Variants in IGF2BP2 observed in about 807,000 individuals in gnomAD.
IGF2BP2 encodes insulin-like growth factor 2 mRNA-binding protein 2.
In IGF2BP2, 17 loss-of-function variants were observed where a neutral mutation model predicts 75.8. That is an observed-to-expected ratio of 0.22 (90% CI 0.15 to 0.34). The LOEUF (loss-of-function observed/expected upper bound fraction) is 0.34. IGF2BP2 is among the 10% of genes least tolerant of loss of function. IGF2BP2 has a pLI of 1.00. For missense variants in IGF2BP2, 516 were observed against 772.4 expected (o/e 0.67, Z 3.93); for synonymous variants, 288 against 295.6 (o/e 0.97, Z 0.26).
intron 10 of IGF2BP2, among the ~76,000 whole-genome samples, chr3:185,671,564 G>GA (rs1718518972): frequency 1.3e-5 from 2 of 150,366 alleles, no homozygotes; most frequent in African/African-American, 4.9e-5. Context: ...AAAAGAAAAA[G>GA]AAAAGATTCA....
At chr3:185,671,388 T>C (rs919687451) in intron 10 of IGF2BP2, among the ~76,000 whole-genome samples, 1 of 151,778 alleles carries the variant, frequency 6.6e-6, no homozygotes, top group African/African-American at 2.4e-5. Flanking sequence ...TCTACTAAAA[T>C]TAGCTGGGTG....
At chr3:185,769,021 C>T (rs1392748396) in intron 2 of IGF2BP2, among the ~76,000 whole-genome samples, 2 of 150,150 alleles carry the variant, frequency 1.3e-5, no homozygotes, top group East Asian at 2.0e-4. Flanking sequence ...AGTGAGACTC[C>T]GTCTCAAAAC....
chr3:185,784,087 T>C (rs530140369), intron 2 of IGF2BP2, among the ~76,000 whole-genome samples: 133 of 152,134 alleles, frequency 8.7e-4, no homozygotes, highest in African/African-American at 3.1e-3. Flanking sequence ...TACAAAAAAT[T>C]AGCCAGGTGT....
intron 2 of IGF2BP2, among the ~76,000 whole-genome samples, chr3:185,762,065 G>A (rs1282748239): frequency 6.6e-6 from 1 of 152,058 alleles, no homozygotes; most frequent in African/African-American, 2.4e-5. Flanking sequence ...AGTGTTGGGT[G>A]GTGTGGGTGT....
At chr3:185,735,147 CTTTT>C (rs11314977) in intron 2 of IGF2BP2, among the ~76,000 whole-genome samples, 2 of 136,934 alleles carry the variant, frequency 1.5e-5, no homozygotes, top group Admixed American at 7.4e-5. Context: ...CATTTAAATC[CTTTT>C]TTTTTTTTTT....
At chr3:185,773,114 T>C (rs73175574) in intron 2 of IGF2BP2, among the ~76,000 whole-genome samples, 2 of 152,306 alleles carry the variant, frequency 1.3e-5, no homozygotes, top group Non-Finnish European at 1.5e-5. Context: ...GGAGGCTAAA[T>C]AGCACAATAC....
At chr3:185,796,450 C>T (rs1737394909) in intron 2 of IGF2BP2, among the ~76,000 whole-genome samples, 1 of 151,444 alleles carries the variant, frequency 6.6e-6, no homozygotes. Flanking sequence ...GTAATCCCAG[C>T]TACTCAGGGG....
intron 2 of IGF2BP2, among the ~76,000 whole-genome samples, chr3:185,701,898 C>A (rs1447842848): frequency 2.0e-5 from 3 of 152,152 alleles, no homozygotes; most frequent in Non-Finnish European, 2.9e-5. Flanking sequence ...CTGAGATCTG[C>A]TGACTCCTGT....
intron 4 of IGF2BP2, among the ~76,000 whole-genome samples, chr3:185,694,642 A>T (rs950201347): frequency 6.6e-6 from 1 of 152,230 alleles, no homozygotes; most frequent in African/African-American, 2.4e-5. Flanking sequence ...TCCAGCACAC[A>T]GCTGCCCTAG....
chr3:185,747,576 G>A (rs564729177), intron 2 of IGF2BP2, among the ~76,000 whole-genome samples: 39 of 152,164 alleles, frequency 2.6e-4, no homozygotes, highest in Middle Eastern at 6.8e-3. Context: ...CTACTTGAGA[G>A]GCCGAGGCAC....
At chr3:185,664,297 C>A (rs968263617) in intron 10 of IGF2BP2, among the ~76,000 whole-genome samples, 1 of 152,162 alleles carries the variant, frequency 6.6e-6, no homozygotes. Flanking sequence ...CTGCGCTCAC[C>A]TGGGACATTC....
chr3:185,764,153 T>C (rs1244373158), intron 2 of IGF2BP2, among the ~76,000 whole-genome samples: 1 of 150,850 alleles, frequency 6.6e-6, no homozygotes, highest in South Asian at 2.1e-4. Context: ...ATATGTCTAT[T>C]ATATAAGTAA....
rs1223051102 is a variant in IGF2BP2 at position 185,672,583 on chromosome 3, C to A, written c.1158G>T (p.Gly386=). Residue 386 remains glycine, a synonymous_variant, in exon 10 of 16, where the codon GGG becomes GGT. Coordinates refer to ENST00000382199, the MANE Select transcript of IGF2BP2 (RefSeq NM_006548.6). ...GGGCAGCGGGGGGAGCTCCGCGGGGCCCTGCTGGTGGAGATAGCACGGACA... is the reference window on the plus strand; with the variant it reads ...GGGCAGCGGGGGGAGCTCCGCGGGGACCTGCTGGTGGAGATAGCACGGACA... ...TGLSVLSPPA[G]PRGAPPAAPY... is the part of the protein sequence containing the mutation. 3.1e-6 allele frequency: 5 copies of A among 1,613,580 alleles called. No individual in the cohort carries two copies. The East Asian group carries it at 1.1e-4, about 36-fold the overall frequency.
intron 10 of IGF2BP2, among the ~76,000 whole-genome samples, chr3:185,661,989 G>A (rs892959646): frequency 6.6e-6 from 1 of 152,104 alleles, no homozygotes; most frequent in African/African-American, 2.4e-5. Flanking sequence ...CAGAAAGGAG[G>A]GCAGTGTGGT....
chr3:185,651,419 C>T (rs1398459534), intron 13 of IGF2BP2, among the ~76,000 whole-genome samples: 1 of 150,316 alleles, frequency 6.7e-6, no homozygotes, highest in Non-Finnish European at 1.5e-5. Context: ...TATTGCCCAG[C>T]CTGTTCTCAA....
intron 2 of IGF2BP2, among the ~76,000 whole-genome samples, chr3:185,753,909 TAA>T (rs543820582): frequency 1.5e-3 from 223 of 152,054 alleles, no homozygotes; most frequent in African/African-American, 5.2e-3. Context: ...TCTGGTTGTT[TAA>T]AAGAGTCTGA....
At chr3:185,708,155 A>C (rs987514048) in intron 2 of IGF2BP2, among the ~76,000 whole-genome samples, 9 of 152,172 alleles carry the variant, frequency 5.9e-5, no homozygotes, top group African/African-American at 2.2e-4. Context: ...CCCTTGTCTG[A>C]GTCTCACAGT....
intron 2 of IGF2BP2, among the ~76,000 whole-genome samples, chr3:185,727,714 G>A (rs1266760405): frequency 6.6e-6 from 1 of 152,174 alleles, no homozygotes; most frequent in Non-Finnish European, 1.5e-5. Context: ...AGATGGAGTG[G>A]AGGATAAACA....
intron 7 of IGF2BP2, among the ~76,000 whole-genome samples, chr3:185,677,109 G>GTA (rs1719677053): frequency 1.3e-5 from 1 of 78,488 alleles, no homozygotes; most frequent in Non-Finnish European, 2.4e-5. Context: ...AGAGAGAGAT[G>GTA]TATATATATC....
Sources: allele counts gnomAD v4.1 joint callset (sites outside exome capture counted in the v4.1 genomes callset), GRCh38; gene constraint gnomAD v4.1.1; transcripts MANE v1.5; gene names NCBI Gene and HGNC (gene_info 2026-07-23, HGNC 2026-07-21).